Variants in SNX27 observed in about 807,000 individuals in gnomAD.
The protein encoded by SNX27 is sorting nexin 27.
A neutral mutation model predicts 71.6 loss-of-function variants in SNX27; 22 were observed. The ratio of observed to expected loss-of-function variants is 0.31; its 90% CI spans 0.22 to 0.44. The LOEUF (loss-of-function observed/expected upper bound fraction) is 0.44, where lower values mean the gene tolerates loss of function less well. Ranked by LOEUF, SNX27 falls within the 20% of genes least tolerant of loss-of-function variation. The pLI is 1.00. For synonymous variants in SNX27, 269 were observed against 277.2 expected (o/e 0.97, Z 0.29); for missense variants, 531 against 698.6 (o/e 0.76, Z 2.70).
Position 151,692,587 on chromosome 1 carries a change from G to T in SNX27, c.1389+3G>T. The stretch of plus-strand genomic sequence containing the variant: ...GCACTGAAGAAGGACAGCTGGAGGT[G>T]AGTTTTCAGCATAGGGCTCTGGCTG... On this transcript the variant is annotated splice_donor_region_variant and intron_variant, in intron 9 of 11. Transcript: ENST00000458013. 6.2e-7 allele frequency: 1 copy of T among 1,611,232 alleles called. No individual in the cohort carries two copies. The highest frequency in any genetic ancestry group is 8.5e-7 in the Non-Finnish European group (1 of 1,179,224).
intron 8 of SNX27, among the ~76,000 whole-genome samples, chr1:151,690,259 A>G (rs1385451391): frequency 6.6e-6 from 1 of 152,278 alleles, no homozygotes; most frequent in Admixed American, 6.5e-5. Context: ...TGTTGCCTCT[A>G]TCTCACTCAC....
chr1:151,673,240 T>C (rs1419044780), intron 7 of SNX27, among the ~76,000 whole-genome samples: 1 of 152,088 alleles, frequency 6.6e-6, no homozygotes, highest in Non-Finnish European at 1.5e-5. Flanking sequence ...CATTCAGGAG[T>C]ATATTGTTTA....
intron 2 of SNX27, among the ~76,000 whole-genome samples, chr1:151,641,704 GAT>G (rs1191312514): frequency 7.7e-6 from 1 of 129,732 alleles, no homozygotes; most frequent in Non-Finnish European, 1.6e-5. Flanking sequence ...TCATATATAT[GAT>G]ATATATAGCA....
intron 4 of SNX27, among the ~76,000 whole-genome samples, chr1:151,661,800 A>C (rs983167061): frequency 6.6e-6 from 1 of 152,172 alleles, no homozygotes; most frequent in African/African-American, 2.4e-5. Flanking sequence ...ATACCAGAGA[A>C]TATACATCGA....
chr1:151,652,403 C>CTTTTTTTTTTTTTTTTTTTTTTTTTTGT (rs993535169), intron 2 of SNX27, among the ~76,000 whole-genome samples: 1 of 133,282 alleles, frequency 7.5e-6, no homozygotes. Flanking sequence ...GATACCACGC[C>CTTTTTTTTTTTTTTTTTTTTTTTTTTGT]TTTTTTTTTT....
chr1:151,694,864 T>A lies in SNX27; in HGVS notation c.*447T>A, dbSNP rs1221309333. On this transcript the variant is annotated 3_prime_UTR_variant, in exon 12 of 12. Transcript: ENST00000458013. ...TATATATATTTCTTTTTAAATTTCA[T>A]ATTGATGGCAGTACCTTTTTTAGCT... 1 of 153,002 alleles carries A rather than the reference T, an allele frequency of 6.5e-6. No individual in the cohort carries two copies. Among genetic ancestry groups the A allele is most frequent in the Non-Finnish European group, 1.5e-5 (1 of 68,302 alleles). 9.5% of individuals were successfully genotyped at this position (153,002 alleles called of 1,614,324 possible).
At chr1:151,621,962 AG>A (rs1220926725) in intron 1 of SNX27, among the ~76,000 whole-genome samples, 2 of 152,078 alleles carry the variant, frequency 1.3e-5, no homozygotes, top group African/African-American at 4.8e-5. Flanking sequence ...GTGACACTGA[AG>A]TTTCGTTTGT....
At chr1:151,656,973 AAAAAG>A (rs1482017950) in intron 2 of SNX27, among the ~76,000 whole-genome samples, 3 of 152,248 alleles carry the variant, frequency 2.0e-5, no homozygotes, top group Non-Finnish European at 2.9e-5. Context: ...AAAAATATAT[AAAAAG>A]AAAAGCAAGG....
intron 1 of SNX27, among the ~76,000 whole-genome samples, chr1:151,637,703 C>T (rs1668532187): frequency 6.6e-6 from 1 of 152,106 alleles, no homozygotes; most frequent in African/African-American, 2.4e-5. Flanking sequence ...TGGGGGGTCT[C>T]CTGACTGTTC....
chr1:151,690,885 G>T (rs1671408636), intron 8 of SNX27, among the ~76,000 whole-genome samples: 1 of 152,326 alleles, frequency 6.6e-6, no homozygotes, highest in Admixed American at 6.5e-5. Flanking sequence ...AGGTTGCACA[G>T]TTAGGAAGTA....
At chr1:151,662,375 A>G in intron 5 of SNX27, 105 bp downstream of exon 5, 6 of 623,524 alleles carry the variant, frequency 9.6e-6, no homozygotes, top group Non-Finnish European at 1.7e-5. Context: ...CTGGCACATA[A>G]TCCGTTTATT....
intron 2 of SNX27, among the ~76,000 whole-genome samples, chr1:151,641,727 A>G (rs1196775760): frequency 7.3e-6 from 1 of 137,480 alleles, no homozygotes; most frequent in African/African-American, 2.6e-5. Context: ...TATGATATAT[A>G]TCAGATAGAT....
At chr1:151,644,671 GT>G (rs1244154341) in intron 2 of SNX27, among the ~76,000 whole-genome samples, 1 of 151,958 alleles carries the variant, frequency 6.6e-6, no homozygotes, top group African/African-American at 2.4e-5. Flanking sequence ...AACTCTTTAG[GT>G]TTAACCTTTT....
chr1:151,673,069 A>C (rs1640170181), intron 7 of SNX27, among the ~76,000 whole-genome samples: 1 of 150,562 alleles, frequency 6.6e-6, no homozygotes, highest in South Asian at 2.1e-4. Flanking sequence ...CATTGTTTGA[A>C]ATTTTTGTCT....
intron 1 of SNX27, among the ~76,000 whole-genome samples, chr1:151,614,805 A>C (rs1363023651): frequency 6.6e-6 from 1 of 152,222 alleles, no homozygotes; most frequent in Non-Finnish European, 1.5e-5. Flanking sequence ...GAAGTTCTAC[A>C]TTATTTACTC....
chr1:151,612,175 C>A lies in SNX27; in HGVS notation c.-27C>A. The A allele has an allele frequency of 7.6e-7, 1 of 1,324,186 alleles. No homozygotes were observed. 82.0% of individuals were successfully genotyped at this position (1,324,186 alleles called of 1,614,324 possible). A position where few individuals can be genotyped will look rare whatever the true frequency, so the allele number is the denominator to read the frequency against. ...CGGGAGGCCTTGGAGGCGTAGGGGG[C>A]GGGGGTACGGCTCGCCTGCTCGCAA... On this transcript the variant is annotated 5_prime_UTR_variant, in exon 1 of 12. Coordinates refer to ENST00000458013, the MANE Select transcript of SNX27 (RefSeq NM_001330723.2). The surrounding 1 kb of genome is among the most constrained non-coding windows in gnomAD (Gnocchi z 5.2).
intron 11 of SNX27, 78 bp downstream of exon 11, chr1:151,693,561 T>G (rs749407016): frequency 1.2e-6 from 2 of 1,612,648 alleles, no homozygotes; most frequent in Non-Finnish European, 1.7e-6. Flanking sequence ...GCCAAATACC[T>G]GGGACCCTCA....
intron 7 of SNX27, among the ~76,000 whole-genome samples, chr1:151,682,780 A>G (rs1671025937): frequency 6.6e-6 from 1 of 152,108 alleles, no homozygotes; most frequent in Non-Finnish European, 1.5e-5. Context: ...CATGCCTGTA[A>G]TCCCAGCACT....
At chr1:151,641,631 C>A (rs1211978480) in intron 2 of SNX27, among the ~76,000 whole-genome samples, 997 of 54,350 alleles carry the variant, frequency 0.018, 24 homozygotes, top group African/African-American at 0.038. Flanking sequence ...ATATATATAT[C>A]ATATGTATCA....
Sources: allele counts gnomAD v4.1 joint callset (sites outside exome capture counted in the v4.1 genomes callset), GRCh38; gene constraint gnomAD v4.1.1; non-coding constraint Gnocchi (gnomAD v3.1); transcripts MANE v1.5; gene names NCBI Gene and HGNC (gene_info 2026-07-23, HGNC 2026-07-21).